USH2A: variants seen among roughly 807,000 people sequenced by gnomAD.
USH2A encodes the protein usherin.
USH2A carries 443 observed loss-of-function variants against 538.9 expected under a neutral mutation model. The ratio of observed to expected loss-of-function variants is 0.82; its 90% CI spans 0.76 to 0.89. USH2A has a LOEUF of 0.89. USH2A is among the 40% of genes least tolerant of loss of function. The pLI, the probability that USH2A is intolerant of heterozygous loss-of-function variation, is 0.00. For missense variants in USH2A, 6,633 were observed against 6,324.8 expected, an observed-to-expected ratio of 1.05 and a Z score of -1.65; for synonymous variants, 2,413 against 2,273.5, an observed-to-expected ratio of 1.06 and a Z score of -1.75.
Position 215,674,842 on chromosome 1 carries a change from A to C in USH2A, c.13069T>G (p.Ser4357Ala). 6.2e-7 allele frequency: 1 copy of C among 1,614,070 alleles called. No homozygotes were observed. The highest frequency in any genetic ancestry group is 1.1e-5 in the South Asian group (1 of 91,078). Reference sequence around the variant, plus strand: ...CAAAGATCTGGAGGGCTGACTTCTGATGGAGCAGCCTCCAGAGTTGTGATG... The same window carrying C: ...CAAAGATCTGGAGGGCTGACTTCTGCTGGAGCAGCCTCCAGAGTTGTGATG... Reference protein sequence around the residue: ...TSITTLEAAPSEVSPPDLWAV... With the variant: ...TSITTLEAAPAEVSPPDLWAV... The change falls in exon 63 of 72, where the codon TCA becomes GCA. Residue 4357 changes from serine to alanine, a missense_variant. Ser to Ala is a moderately conservative substitution (Grantham distance 99). Coordinates refer to ENST00000307340, the MANE Select transcript of USH2A (RefSeq NM_206933.4).
chr1:216,173,967 T>C (rs1423372348), intron 21 of USH2A: 1 of 984,916 alleles, frequency 1.0e-6, no homozygotes, highest in African/African-American at 1.7e-5. Context: ...TTTAAGAATA[T>C]AAAGCAGAAG....
intron 6 of USH2A, among the ~76,000 whole-genome samples, chr1:216,324,605 C>T (rs959574352): frequency 1.3e-5 from 2 of 152,072 alleles, no homozygotes; most frequent in Non-Finnish European, 1.5e-5. Flanking sequence ...AAGAACATTA[C>T]TTCTATGAAA....
chr1:216,008,581 G>C (rs1049235290), intron 32 of USH2A, among the ~76,000 whole-genome samples: 2 of 152,090 alleles, frequency 1.3e-5, no homozygotes, highest in Admixed American at 1.3e-4. Context: ...CGGATCGGGG[G>C]ACCTCCCTTG....
chr1:215,803,105 A>G (rs1024420619), intron 49 of USH2A, among the ~76,000 whole-genome samples: 10 of 152,202 alleles, frequency 6.6e-5, no homozygotes, highest in African/African-American at 2.2e-4. Context: ...AAAACTCTCA[A>G]TAAATTAGGT....
intron 48 of USH2A, among the ~76,000 whole-genome samples, chr1:215,815,665 T>G (rs1298358199): frequency 1.3e-5 from 2 of 152,056 alleles, no homozygotes; most frequent in Non-Finnish European, 2.9e-5. Context: ...TTTATTAATA[T>G]TTTTCTTCAT....
At chr1:215,685,139 T>C (rs927631118) in intron 61 of USH2A, among the ~76,000 whole-genome samples, 1 of 152,040 alleles carries the variant, frequency 6.6e-6, no homozygotes, top group Admixed American at 6.6e-5. Context: ...ATCCAGGCAA[T>C]TGGATGACTT....
chr1:215,968,671 A>G (rs1461091321), intron 36 of USH2A, among the ~76,000 whole-genome samples: 1 of 152,200 alleles, frequency 6.6e-6, no homozygotes, highest in African/African-American at 2.4e-5. Flanking sequence ...AACAAGAATT[A>G]TCATTAAGAA....
intron 13 of USH2A, among the ~76,000 whole-genome samples, chr1:216,239,529 T>G (rs1303339189): frequency 6.6e-6 from 1 of 152,204 alleles, no homozygotes; most frequent in Non-Finnish European, 1.5e-5. Flanking sequence ...AGAAATGATC[T>G]GAAGACTTGT....
intron 32 of USH2A, among the ~76,000 whole-genome samples, chr1:216,031,335 A>T (rs961451989): frequency 2.0e-5 from 3 of 152,168 alleles, no homozygotes; most frequent in African/African-American, 7.2e-5. Flanking sequence ...AATCTGCACC[A>T]AGGGTAAATA....
chr1:216,104,813 T>A (rs1558260856), intron 21 of USH2A, among the ~76,000 whole-genome samples: 1 of 152,060 alleles, frequency 6.6e-6, no homozygotes, highest in African/African-American at 2.4e-5. Context: ...AAGCCAAAAT[T>A]GACAAATGGG....
At chr1:215,872,909 C>G (rs1664660442) in intron 43 of USH2A, among the ~76,000 whole-genome samples, 1 of 152,052 alleles carries the variant, frequency 6.6e-6, no homozygotes. Flanking sequence ...TTTTCACCTT[C>G]CACCACGGGT....
chr1:216,336,324 T>A (rs540591280), intron 4 of USH2A, among the ~76,000 whole-genome samples: 126 of 151,428 alleles, frequency 8.3e-4, no homozygotes, highest in African/African-American at 2.9e-3. Flanking sequence ...AAAAATGCTT[T>A]TTCCCTAAGA....
intron 61 of USH2A, among the ~76,000 whole-genome samples, chr1:215,715,546 G>C (rs187030328): frequency 2.6e-4 from 40 of 152,228 alleles, no homozygotes; most frequent in African/African-American, 9.6e-4. Context: ...AGCACTAGAT[G>C]GACAGGTCTT....
chr1:215,630,274 G>C (rs565681627), intron 70 of USH2A: 1 of 456,706 alleles, frequency 2.2e-6, no homozygotes, highest in African/African-American at 2.0e-5. Flanking sequence ...AGAACAAATG[G>C]CAGCATCAGT....
Position 216,084,840 on chromosome 1 carries a change from A to G in USH2A, c.5025T>C (p.Asp1675=). 1 of 1,613,516 alleles carries G rather than the reference A, an allele frequency of 6.2e-7. No individual in the cohort carries two copies. The highest frequency in any genetic ancestry group is 1.1e-5 in the South Asian group (1 of 91,080). Residue 1675 remains aspartate, a synonymous_variant, in exon 25 of 72, where the codon GAT becomes GAC. Coordinates refer to ENST00000307340, the MANE Select transcript of USH2A (RefSeq NM_206933.4). Reference sequence around the variant, plus strand: ...GATTGTAATTCTTCATAAAATGTACATCCTTGAGACAGCCCACAAAACCTT... The same window carrying G: ...GATTGTAATTCTTCATAAAATGTACGTCCTTGAGACAGCCCACAAAACCTT... ...IQKGFVGCLK[D]VHFMKNYNPS...
chr1:215,932,302 C>G (rs1251274352), intron 38 of USH2A, among the ~76,000 whole-genome samples: 1 of 151,966 alleles, frequency 6.6e-6, no homozygotes, highest in East Asian at 1.9e-4. Context: ...TTATTCATTT[C>G]AGAATGAAAC....
At chr1:216,003,009 A>G (rs1011833321) in intron 32 of USH2A, among the ~76,000 whole-genome samples, 1 of 152,106 alleles carries the variant, frequency 6.6e-6, no homozygotes, top group African/African-American at 2.4e-5. Context: ...CACCCAGAAT[A>G]TCCGCCTCAG....
At chr1:216,295,488 A>G (rs1032187398) in intron 9 of USH2A, among the ~76,000 whole-genome samples, 1 of 151,954 alleles carries the variant, frequency 6.6e-6, no homozygotes. Context: ...ATTTGTATTT[A>G]TAAAGTTAAT....
intron 51 of USH2A, among the ~76,000 whole-genome samples, chr1:215,787,773 G>A (rs764911275): frequency 6.6e-6 from 1 of 152,174 alleles, no homozygotes; most frequent in Non-Finnish European, 1.5e-5. Flanking sequence ...TCTGGGCGCA[G>A]TGGCTCATGT....
Sources: gnomAD v4.1 joint callset for allele counts (sites outside exome capture counted in the v4.1 genomes callset) on GRCh38, gnomAD v4.1.1 for gene constraint, MANE v1.5 for transcripts, NCBI Gene and HGNC (gene_info 2026-07-23, HGNC 2026-07-21) for gene names.